Variants in PDE10A observed in about 807,000 individuals in gnomAD.
The protein encoded by PDE10A is cAMP and cAMP-inhibited cGMP 3',5'-cyclic phosphodiesterase 10A.
A neutral mutation model predicts 97.7 loss-of-function variants in PDE10A; 39 were observed. That is an observed-to-expected ratio of 0.40 (90% CI 0.31 to 0.52). The LOEUF (loss-of-function observed/expected upper bound fraction) is 0.52. Among genes scored for constraint, PDE10A ranks in the 20% least tolerant of loss-of-function variants. PDE10A has a pLI of 0.56. For missense variants in PDE10A, 731 were observed against 1,047.8 expected, an observed-to-expected ratio of 0.70 and a Z score of 4.17; for synonymous variants, 371 against 376.8, an observed-to-expected ratio of 0.98 and a Z score of 0.18.
At chr6:165,721,874 A>G (rs1792175461) in intron 1 of PDE10A, among the ~76,000 whole-genome samples, 1 of 152,216 alleles carries the variant, frequency 6.6e-6, no homozygotes, top group Non-Finnish European at 1.5e-5. Flanking sequence ...AAGACGGATA[A>G]GGTTCCTAAA....
intron 1 of PDE10A, among the ~76,000 whole-genome samples, chr6:165,613,980 C>CA (rs1787612690): frequency 6.6e-6 from 1 of 152,182 alleles, no homozygotes; most frequent in African/African-American, 2.4e-5. Flanking sequence ...CACCTGCCCA[C>CA]ACCCAAAACT....
chr6:165,808,427 G>T (rs368563780), intron 1 of PDE10A, among the ~76,000 whole-genome samples: 4 of 152,202 alleles, frequency 2.6e-5, no homozygotes, highest in Non-Finnish European at 4.4e-5. Context: ...GCCAGGGAGC[G>T]TGGTGACCTG....
intron 1 of PDE10A, among the ~76,000 whole-genome samples, chr6:165,912,831 CAA>C (rs890091710): frequency 4.7e-4 from 71 of 152,280 alleles, no homozygotes; most frequent in African/African-American, 1.7e-3. Context: ...CCAGTATAAG[CAA>C]CTGTTTAGTA....
intron 1 of PDE10A, among the ~76,000 whole-genome samples, chr6:165,835,802 G>T (rs984762433): frequency 6.6e-6 from 1 of 152,190 alleles, no homozygotes; most frequent in Non-Finnish European, 1.5e-5. Flanking sequence ...GTTTCCTAGG[G>T]CAGGCACGGG....
At chr6:165,517,095 A>G (rs985490525) in intron 2 of PDE10A, among the ~76,000 whole-genome samples, 1 of 152,200 alleles carries the variant, frequency 6.6e-6, no homozygotes, top group Admixed American at 6.5e-5. Context: ...ATGGGTATTT[A>G]ATACACACCT....
intron 13 of PDE10A, among the ~76,000 whole-genome samples, chr6:165,403,044 T>C (rs765795168): frequency 1.4e-4 from 21 of 152,172 alleles, no homozygotes; most frequent in Admixed American, 4.6e-4. Flanking sequence ...TTTAGGCAAA[T>C]CACTTAATTC....
chr6:165,485,469 A>AAAAAC (rs553989368), intron 2 of PDE10A, among the ~76,000 whole-genome samples: 2 of 140,532 alleles, frequency 1.4e-5, no homozygotes, highest in African/African-American at 5.3e-5. Flanking sequence ...CTCTGTCTCA[A>AAAAAC]AAAAAAAAAA....
At chr6:165,906,847 C>T (rs1422504535) in intron 1 of PDE10A, among the ~76,000 whole-genome samples, 1 of 152,158 alleles carries the variant, frequency 6.6e-6, no homozygotes, top group Non-Finnish European at 1.5e-5. Flanking sequence ...AGACTATTGG[C>T]CAAGAGAGGT....
intron 5 of PDE10A, among the ~76,000 whole-genome samples, chr6:165,446,376 T>A (rs1433855419): frequency 6.6e-6 from 1 of 152,192 alleles, no homozygotes; most frequent in African/African-American, 2.4e-5. Context: ...AGTAATCATG[T>A]AGATACATCT....
intron 18 of PDE10A, among the ~76,000 whole-genome samples, chr6:165,346,555 CCTG>C (rs1471744787): frequency 6.6e-6 from 1 of 152,142 alleles, no homozygotes; most frequent in Non-Finnish European, 1.5e-5. Context: ...TGCATGTTTG[CCTG>C]CTAAGTGCCA....
At chr6:165,799,882 C>T (rs1236952197) in intron 1 of PDE10A, among the ~76,000 whole-genome samples, 1 of 152,204 alleles carries the variant, frequency 6.6e-6, no homozygotes, top group African/African-American at 2.4e-5. Flanking sequence ...TCCTACTGCT[C>T]TGCTTGGCCC....
At chr6:165,679,332 C>G (rs750076487) in intron 1 of PDE10A, among the ~76,000 whole-genome samples, 5 of 152,216 alleles carry the variant, frequency 3.3e-5, no homozygotes, top group Non-Finnish European at 7.3e-5. Context: ...ACAATGGATA[C>G]TGGCAGAAAA....
At chr6:165,952,644 C>T (rs530162435) in intron 1 of PDE10A, among the ~76,000 whole-genome samples, 2 of 152,328 alleles carry the variant, frequency 1.3e-5, no homozygotes, top group African/African-American at 4.8e-5. Flanking sequence ...AACCACACCT[C>T]TTCAACTCCC....
chr6:165,509,593 T>A (rs932799399), intron 2 of PDE10A, among the ~76,000 whole-genome samples: 2 of 151,886 alleles, frequency 1.3e-5, no homozygotes, highest in African/African-American at 4.8e-5. Flanking sequence ...AGGATTTTTT[T>A]TTTTTATTTT....
At chr6:165,637,934 G>A (rs965904655) in intron 1 of PDE10A, among the ~76,000 whole-genome samples, 4 of 152,120 alleles carry the variant, frequency 2.6e-5, no homozygotes, top group African/African-American at 4.8e-5. Flanking sequence ...ATGAGAAAAC[G>A]CTTTGTAGCC....
intron 5 of PDE10A, among the ~76,000 whole-genome samples, chr6:165,444,753 A>AAATATGCTTAT (rs1377656967): frequency 3.9e-5 from 6 of 152,092 alleles, no homozygotes; most frequent in African/African-American, 1.4e-4. Context: ...TGCTTATATG[A>AAATATGCTTAT]ATGCACGTTT....
intron 1 of PDE10A, among the ~76,000 whole-genome samples, chr6:165,881,061 A>G (rs1781457732): frequency 6.6e-6 from 1 of 152,226 alleles, no homozygotes; most frequent in Admixed American, 6.5e-5. Context: ...TTGAACAAAA[A>G]AGAAAAATGG....
At chr6:165,854,218 G>T (rs1301757866) in intron 1 of PDE10A, among the ~76,000 whole-genome samples, 2 of 152,204 alleles carry the variant, frequency 1.3e-5, no homozygotes, top group African/African-American at 4.8e-5. Context: ...AGCCAGGCTG[G>T]GCTGCAGCAG....
At chr6:165,631,672 C>T (rs1788636447) in intron 1 of PDE10A, among the ~76,000 whole-genome samples, 1 of 152,148 alleles carries the variant, frequency 6.6e-6, no homozygotes, top group Non-Finnish European at 1.5e-5. Flanking sequence ...TAAATAACAT[C>T]ATTATACGAA....
Sources: gnomAD v4.1 joint callset for allele counts (sites outside exome capture counted in the v4.1 genomes callset) on GRCh38, gnomAD v4.1.1 for gene constraint, MANE v1.5 for transcripts, NCBI Gene and HGNC (gene_info 2026-07-23, HGNC 2026-07-21) for gene names.